Variants in NCKAP5 observed in about 807,000 individuals in gnomAD.
The protein encoded by NCKAP5 is NCK associated protein 5, also known as nck-associated protein 5.
A neutral mutation model predicts 167.0 loss-of-function variants in NCKAP5; 92 were observed. The observed-to-expected ratio is 0.55, with a 90% CI of 0.47 to 0.66. The LOEUF (loss-of-function observed/expected upper bound fraction) is 0.66. NCKAP5 is among the 30% of genes least tolerant of loss of function. NCKAP5 has a pLI of 0.00. For missense variants in NCKAP5, 2,378 were observed against 2,315.0 expected, an observed-to-expected ratio of 1.03 and a Z score of -0.56; for synonymous variants, 891 against 877.4, an observed-to-expected ratio of 1.02 and a Z score of -0.27.
intron 6 of NCKAP5, among the ~76,000 whole-genome samples, chr2:133,018,571 T>C (rs1416016567): frequency 6.6e-6 from 1 of 152,186 alleles, no homozygotes; most frequent in Admixed American, 6.5e-5. Context: ...ACTTAACACA[T>C]TCTTAAGGTG....
At chr2:133,321,132 G>T (rs1018694253) in intron 3 of NCKAP5, among the ~76,000 whole-genome samples, 1 of 152,140 alleles carries the variant, frequency 6.6e-6, no homozygotes, top group African/African-American at 2.4e-5. Context: ...GACTGCTCAG[G>T]AATAAAGGGG....
intron 4 of NCKAP5, among the ~76,000 whole-genome samples, chr2:133,228,631 G>A (rs963381553): frequency 3.3e-5 from 5 of 152,126 alleles, no homozygotes; most frequent in African/African-American, 1.2e-4. Context: ...GAAACACTGT[G>A]TACATGTTCA....
chr2:132,813,625 G>C (rs549518057), intron 11 of NCKAP5, among the ~76,000 whole-genome samples: 1 of 152,142 alleles, frequency 6.6e-6, no homozygotes, highest in African/African-American at 2.4e-5. Flanking sequence ...GACACCAAAG[G>C]GTTCCATATG....
intron 3 of NCKAP5, among the ~76,000 whole-genome samples, chr2:133,414,967 TTC>T (rs1313049493): frequency 1.3e-5 from 2 of 152,194 alleles, no homozygotes; most frequent in East Asian, 3.9e-4. Context: ...ACTGACAGGG[TTC>T]TCTCAATCCC....
intron 6 of NCKAP5, among the ~76,000 whole-genome samples, chr2:133,116,115 T>G (rs2082074164): frequency 1.3e-5 from 2 of 152,010 alleles, no homozygotes; most frequent in Admixed American, 1.3e-4. Context: ...ATATTTGAAC[T>G]TAATTATTAC....
chr2:133,066,611 A>C (rs1448019123), intron 6 of NCKAP5, among the ~76,000 whole-genome samples: 3 of 152,186 alleles, frequency 2.0e-5, no homozygotes, highest in Non-Finnish European at 1.5e-5. Flanking sequence ...CATATGTTCC[A>C]TTACACAGAA....
chr2:133,669,402 TC>T, the NCKAP5 span, among the ~76,000 whole-genome samples: 25 of 152,272 alleles, frequency 1.6e-4, 1 homozygote, highest in East Asian at 4.6e-3. Flanking sequence ...CAGTAGTACT[TC>T]TTTTCCCCCC....
At chr2:133,169,969 C>A (rs1004996517) in intron 5 of NCKAP5, among the ~76,000 whole-genome samples, 2 of 152,252 alleles carry the variant, frequency 1.3e-5, no homozygotes, top group African/African-American at 4.8e-5. Context: ...ACTATATTCC[C>A]AACTTACAAT....
chr2:132,876,811 A>G (rs939313151), intron 9 of NCKAP5, among the ~76,000 whole-genome samples: 1 of 152,216 alleles, frequency 6.6e-6, no homozygotes, highest in Middle Eastern at 3.2e-3. Flanking sequence ...TTTGTGGATA[A>G]CTTATATTTT....
intron 4 of NCKAP5, among the ~76,000 whole-genome samples, chr2:133,214,697 C>T (rs1237321511): frequency 6.6e-6 from 1 of 152,124 alleles, no homozygotes; most frequent in African/African-American, 2.4e-5. Flanking sequence ...GTGAATTCTT[C>T]TGGTAATCCC....
At chr2:133,644,563 A>G in the NCKAP5 span, among the ~76,000 whole-genome samples, 1 of 152,140 alleles carries the variant, frequency 6.6e-6, no homozygotes, top group African/African-American at 2.4e-5. Flanking sequence ...GCTCTAGACA[A>G]TATTTCTGGC....
intron 16 of NCKAP5, among the ~76,000 whole-genome samples, chr2:132,763,450 C>T (rs1179466758): frequency 6.6e-6 from 1 of 152,116 alleles, no homozygotes; most frequent in East Asian, 1.9e-4. Context: ...AGATTCTATC[C>T]CTTAGGACAC....
At chr2:133,008,254 T>C (rs575712182) in intron 6 of NCKAP5, among the ~76,000 whole-genome samples, 2 of 152,292 alleles carry the variant, frequency 1.3e-5, no homozygotes, top group East Asian at 1.9e-4. Flanking sequence ...CAGCTAGATA[T>C]TGATTGTCAC....
At chr2:132,937,134 C>G (rs889037271) in intron 8 of NCKAP5, among the ~76,000 whole-genome samples, 1 of 152,110 alleles carries the variant, frequency 6.6e-6, no homozygotes, top group South Asian at 2.1e-4. Flanking sequence ...AGAGCTGCCC[C>G]CATAAATACG....
intron 7 of NCKAP5, among the ~76,000 whole-genome samples, chr2:132,981,943 G>A (rs557770116): frequency 1.3e-4 from 20 of 152,150 alleles, no homozygotes; most frequent in South Asian, 4.1e-4. Flanking sequence ...CCAAAACAGC[G>A]TCTCCTGCCT....
intron 4 of NCKAP5, among the ~76,000 whole-genome samples, chr2:133,273,171 T>C (rs757309642): frequency 2.0e-5 from 3 of 152,196 alleles, no homozygotes; most frequent in East Asian, 1.9e-4. Context: ...CCACCAGCAA[T>C]GTCTCAGCGT....
chr2:133,357,863 T>C (rs1211127690), intron 3 of NCKAP5, among the ~76,000 whole-genome samples: 2 of 152,220 alleles, frequency 1.3e-5, no homozygotes, highest in African/African-American at 2.4e-5. Context: ...CTAAACTGTG[T>C]TCCTTTCTAC....
chr2:132,715,184 C>T (rs1304311466), intron 19 of NCKAP5, among the ~76,000 whole-genome samples: 2 of 152,196 alleles, frequency 1.3e-5, no homozygotes, highest in Non-Finnish European at 2.9e-5. Context: ...AAAGACTGCA[C>T]CTTGCTTTTT....
Position 132,782,149 on chromosome 2 carries a change from C to T in NCKAP5, c.4662G>A (p.Glu1554=), listed in dbSNP as rs775679497. The change falls in exon 14 of 20, where the codon GAG becomes GAA. Residue 1554 remains glutamate, a synonymous_variant. Coordinates refer to ENST00000409261, the MANE Select transcript of NCKAP5 (RefSeq NM_207363.3). ...CACACTGTAGTTCAGGCTTCTTTTT[C>T]TCTTTTTTTCTTTCTGATTTTAGTT... ...NRQLKSERKK[E]KKKPELQCET... 1.2e-6 allele frequency: 2 copies of T among 1,609,226 alleles called. No homozygotes were observed. Among genetic ancestry groups the T allele is most frequent in the Non-Finnish European group, 1.7e-6 (2 of 1,178,924 alleles).
Sources: gnomAD v4.1 joint callset for allele counts (sites outside exome capture counted in the v4.1 genomes callset) on GRCh38, gnomAD v4.1.1 for gene constraint, MANE v1.5 for transcripts, NCBI Gene and HGNC (gene_info 2026-07-23, HGNC 2026-07-21) for gene names.